The following DLG2 variants were observed in gnomAD, a reference collection of about 807,000 sequenced individuals.
The protein encoded by DLG2 is disks large homolog 2.
In DLG2, 45 loss-of-function variants were observed where a neutral mutation model predicts 132.5. That is an observed-to-expected ratio of 0.34 (90% CI 0.27 to 0.44). DLG2 has a LOEUF of 0.44. Among genes scored for constraint, DLG2 ranks in the 20% least tolerant of loss-of-function variants. The pLI, the probability that DLG2 is intolerant of heterozygous loss-of-function variation, is 1.00. For synonymous variants in DLG2, 424 were observed against 419.6 expected, an observed-to-expected ratio of 1.01 and a Z score of -0.13; for missense variants, 1,045 against 1,196.9, an observed-to-expected ratio of 0.87 and a Z score of 1.87.
At chr11:83,589,211 A>C (rs932673963) in intron 19 of DLG2, among the ~76,000 whole-genome samples, 1 of 152,086 alleles carries the variant, frequency 6.6e-6, no homozygotes, top group African/African-American at 2.4e-5. Flanking sequence ...AGTTGAAAAA[A>C]AGGAAAAAAT....
chr11:84,534,919 G>C, intron 6 of DLG2, 188 bp from the exon 7 acceptor site: 1 of 728,332 alleles, frequency 1.4e-6, no homozygotes, highest in Non-Finnish European at 2.5e-6. Flanking sequence ...GCAGAACTGA[G>C]TTAACCACGA....
Position 84,758,495 on chromosome 11 carries a change from T to C in DLG2, c.358-223764A>G, listed in dbSNP as rs1328139882. Among the ~76,000 whole-genome samples, 8 of 152,244 alleles carry C rather than the reference T, an allele frequency of 5.3e-5. No homozygotes were observed. In the East Asian group the frequency reaches 1.5e-3, roughly 29 times the overall value. ...CCAGGTAGGTACTTTAGAAAGTTTG[T>C]TGAACTGATTCCTTTATATTTTCTC... On this transcript the variant is annotated intron_variant, in intron 6 of 27. Transcript: ENST00000376104.
At chr11:84,672,268 C>T (rs750948519) in intron 6 of DLG2, among the ~76,000 whole-genome samples, 1 of 152,036 alleles carries the variant, frequency 6.6e-6, no homozygotes, top group Non-Finnish European at 1.5e-5. Context: ...AAGAGAGATC[C>T]AACTCTGCCT....
intron 7 of DLG2, among the ~76,000 whole-genome samples, chr11:84,525,469 T>A (rs931969514): frequency 5.3e-5 from 8 of 152,176 alleles, no homozygotes; most frequent in Middle Eastern, 6.3e-3. Context: ...TATGTCTCAA[T>A]GTCCTGATGA....
At chr11:85,217,856 C>T (rs1044715575) in intron 4 of DLG2, among the ~76,000 whole-genome samples, 4 of 152,170 alleles carry the variant, frequency 2.6e-5, no homozygotes, top group Admixed American at 6.5e-5. Flanking sequence ...AGGCCAATGT[C>T]AGGAAGAGTA....
intron 6 of DLG2, among the ~76,000 whole-genome samples, chr11:84,990,238 A>G (rs1202684431): frequency 6.6e-6 from 1 of 152,244 alleles, no homozygotes; most frequent in African/African-American, 2.4e-5. Context: ...ATCAGCACAT[A>G]AAGACGTTCA....
At chr11:84,795,563 C>T (rs548991402) in intron 6 of DLG2, among the ~76,000 whole-genome samples, 1 of 152,272 alleles carries the variant, frequency 6.6e-6, no homozygotes, top group East Asian at 1.9e-4. Flanking sequence ...TCATCCTCCG[C>T]TTGTCTGTGT....
chr11:84,783,202 A>G (rs143084592), intron 6 of DLG2, among the ~76,000 whole-genome samples: 1 of 152,274 alleles, frequency 6.6e-6, no homozygotes, highest in East Asian at 1.9e-4. Context: ...AGGAGGAAAA[A>G]TGATGTGATT....
intron 3 of DLG2, among the ~76,000 whole-genome samples, chr11:85,564,826 T>A (rs926322480): frequency 4.6e-5 from 7 of 151,972 alleles, no homozygotes; most frequent in African/African-American, 9.7e-5. Context: ...ATAGAGCAAT[T>A]TGGGGAGAAC....
At chr11:84,510,207 T>G (rs986227715) in intron 7 of DLG2, among the ~76,000 whole-genome samples, 55 of 151,830 alleles carry the variant, frequency 3.6e-4, no homozygotes, top group African/African-American at 1.3e-3. Context: ...TATTAGTTAT[T>G]ATATTATCAA....
chr11:84,760,316 G>A (rs2067439494), intron 6 of DLG2, among the ~76,000 whole-genome samples: 1 of 152,170 alleles, frequency 6.6e-6, no homozygotes, highest in Non-Finnish European at 1.5e-5. Flanking sequence ...AGCCTTCTGA[G>A]TCTTCTAATG....
chr11:85,516,540 C>T (rs1269325367), intron 3 of DLG2, among the ~76,000 whole-genome samples: 1 of 151,830 alleles, frequency 6.6e-6, no homozygotes, highest in East Asian at 1.9e-4. Flanking sequence ...AGAACACTAG[C>T]TAGATTGACC....
intron 6 of DLG2, among the ~76,000 whole-genome samples, chr11:85,109,617 T>A (rs534296448): frequency 1.3e-5 from 2 of 152,216 alleles, no homozygotes; most frequent in South Asian, 4.1e-4. Context: ...AATGTGAAAG[T>A]TCTTATATTA....
At chr11:85,117,611 G>GAAAAAAAA (rs11317554) in intron 5 of DLG2, among the ~76,000 whole-genome samples, 1 of 120,260 alleles carries the variant, frequency 8.3e-6, no homozygotes, top group Non-Finnish European at 1.8e-5. Context: ...TAGGTAAATA[G>GAAAAAAAA]AAAAAAAAAA....
At chr11:85,172,440 C>G (rs892360385) in intron 4 of DLG2, among the ~76,000 whole-genome samples, 1 of 152,014 alleles carries the variant, frequency 6.6e-6, no homozygotes. Context: ...CAAGAAAGAC[C>G]CCACAAAAAC....
chr11:83,988,863 A>C (rs190932291), intron 11 of DLG2, among the ~76,000 whole-genome samples: 7 of 152,156 alleles, frequency 4.6e-5, no homozygotes, highest in Admixed American at 1.3e-4. Context: ...TTCTCTTAGC[A>C]CTTATTACCT....
intron 15 of DLG2, among the ~76,000 whole-genome samples, chr11:83,884,995 G>GA (rs1162231962): frequency 1.3e-5 from 2 of 152,074 alleles, no homozygotes; most frequent in Non-Finnish European, 2.9e-5. Flanking sequence ...CAAAGATGGG[G>GA]AAAAAACAGA....
At chr11:84,168,431 G>T (rs1174221684) in intron 8 of DLG2, among the ~76,000 whole-genome samples, 1 of 152,166 alleles carries the variant, frequency 6.6e-6, no homozygotes, top group Non-Finnish European at 1.5e-5. Context: ...TTAGCATCTA[G>T]CACTACAATT....
intron 6 of DLG2, among the ~76,000 whole-genome samples, chr11:84,790,206 A>G (rs1413831843): frequency 2.6e-5 from 4 of 152,152 alleles, no homozygotes; most frequent in Non-Finnish European, 5.9e-5. Flanking sequence ...CCCACTAACA[A>G]TGTAGGAGAG....
Sources: gnomAD v4.1 joint callset for allele counts (sites outside exome capture counted in the v4.1 genomes callset) on GRCh38, gnomAD v4.1.1 for gene constraint, MANE v1.5 for transcripts, NCBI Gene and HGNC (gene_info 2026-07-23, HGNC 2026-07-21) for gene names.